The following ANKDD1A variants were observed in gnomAD, a reference collection of about 807,000 sequenced individuals.
ANKDD1A encodes the protein ankyrin repeat and death domain-containing protein 1A.
ANKDD1A carries 59 observed loss-of-function variants against 63.5 expected under a neutral mutation model. The ratio of observed to expected loss-of-function variants is 0.93; its 90% CI spans 0.75 to 1.15. ANKDD1A has a LOEUF of 1.15. Among genes scored for constraint, ANKDD1A ranks in the 50% most tolerant of loss-of-function variants. The pLI, the probability that ANKDD1A is intolerant of heterozygous loss-of-function variation, is 0.00. For missense variants in ANKDD1A, 632 were observed against 656.4 expected, an observed-to-expected ratio of 0.96 and a Z score of 0.41; for synonymous variants, 266 against 263.9, an observed-to-expected ratio of 1.01 and a Z score of -0.08.
chr15:64,936,201 C>T (rs1292965516), intron 9 of ANKDD1A, among the ~76,000 whole-genome samples: 1 of 152,046 alleles, frequency 6.6e-6, no homozygotes, highest in African/African-American at 2.4e-5. Flanking sequence ...AGAAGAAAGG[C>T]ATCCTTGATT....
rs527430545 is a variant in ANKDD1A at position 64,943,567 on chromosome 15, A to C, written c.1050A>C (p.Leu350Phe). Reference sequence around the variant, plus strand: ...TGCTCCTCATTGCTGGGGTTGACTTAAACCTGAGAGATAAGGTACCTCTGC... The same window carrying C: ...TGCTCCTCATTGCTGGGGTTGACTTCAACCTGAGAGATAAGGTACCTCTGC... Reference protein sequence around the residue: ...ADMLLIAGVDLNLRDKQGKTA... With the variant: ...ADMLLIAGVDFNLRDKQGKTA... The change falls in exon 11 of 15, where the codon TTA becomes TTC. Residue 350 changes from leucine (L) to phenylalanine (F), a missense_variant. Leu to Phe is a conservative substitution (Grantham distance 22). Transcript: ENST00000319580. 6.2e-7 allele frequency: 1 copy of C among 1,614,158 alleles called. No homozygotes were observed. Among genetic ancestry groups the C allele is most frequent in the African/African-American group, 1.3e-5 (1 of 75,032 alleles).
intron 9 of ANKDD1A, among the ~76,000 whole-genome samples, chr15:64,939,163 GT>G (rs1034521365): frequency 6.6e-6 from 1 of 151,966 alleles, no homozygotes; most frequent in Non-Finnish European, 1.5e-5. Context: ...GCTAGGCATG[GT>G]AGCTTGCACC....
rs1222703343 is a variant in ANKDD1A, at chr15:64,930,914, G to C, written c.663G>C (p.Gln221His). ...LVDIGLDLEE[Q>H]NAEGLTALHS... ...ACATCGGGCTGGACCTGGAGGAGCAGAATGCGGTGAGTCACCGCCTGGGGA... is the reference window on the plus strand; with the variant it reads ...ACATCGGGCTGGACCTGGAGGAGCACAATGCGGTGAGTCACCGCCTGGGGA... Residue 221 changes from glutamine (Q) to histidine (H), a missense_variant, in exon 7 of 15, where the codon CAG (glutamine) becomes CAC (histidine). Gln to His is a conservative substitution (Grantham distance 24). Transcript: ENST00000319580. 6.2e-7 allele frequency: 1 copy of C among 1,611,186 alleles called. No homozygotes were observed. Among genetic ancestry groups the C allele is most frequent in the East Asian group, 2.2e-5 (1 of 44,868 alleles).
chr15:64,942,521 C>A lies in ANKDD1A; in HGVS notation c.922C>A (p.Arg308=), dbSNP rs142825344. 3.6e-5 allele frequency: 58 copies of A among 1,613,936 alleles called. No homozygotes were observed. The highest frequency in any genetic ancestry group is 4.7e-5 in the Non-Finnish European group (56 of 1,179,948). ...GAGGCACAACTTCCCTGCCTTGGTC[C>A]GGCTCCTCATCAACTCCGACAGTGA... ...AVRHNFPALV[R]LLINSDSDVN... is the part of the protein sequence containing the mutation. Residue 308 remains arginine (R), a synonymous_variant, in exon 10 of 15, where the codon CGG becomes AGG. Coordinates refer to ENST00000319580, the MANE Select transcript of ANKDD1A (RefSeq NM_182703.6).
intron 8 of ANKDD1A, among the ~76,000 whole-genome samples, chr15:64,933,119 G>A (rs1403995585): frequency 3.3e-5 from 5 of 152,088 alleles, no homozygotes; most frequent in African/African-American, 1.2e-4. Context: ...TCATGCCACA[G>A]GGTCTCGGAG....
Position 64,922,026 on chromosome 15 carries a change from C to T in ANKDD1A, c.366+7C>T. The stretch of plus-strand genomic sequence containing the variant: ...GATCCACTGTGAGAGCAAGGTAAGG[C>T]CTCAGCTGGTAGACCCCTGTCCCCT... On this transcript the variant is annotated splice_region_variant and intron_variant, in intron 4 of 14. Coordinates refer to ENST00000319580, the MANE Select transcript of ANKDD1A (RefSeq NM_182703.6). The T allele has an allele frequency of 6.2e-7, 1 of 1,613,556 alleles. No individual in the cohort carries two copies. Among genetic ancestry groups the T allele is most frequent in the South Asian group, 1.1e-5 (1 of 91,002 alleles).
rs1329674203 is a variant in ANKDD1A, at chr15:64,954,496, T to C, written c.1484-2607T>C. Among the ~76,000 whole-genome samples the C allele has an allele frequency of 7.9e-5, 11 of 139,536 alleles. No individual in the cohort carries two copies. The South Asian group carries it at 1.2e-3, about 15-fold the overall frequency. The allele number at this position is 139,536 out of a possible 152,430, so 91.5% of individuals were successfully genotyped here. On this transcript the variant is annotated intron_variant, in intron 14 of 14. Transcript: ENST00000319580. The stretch of plus-strand genomic sequence containing the variant: ...TCCTCTTTTTCTTCTTCCTTCTCCT[T>C]CTTCTTCCTTCTTCTCCTCTTTCTT...
intron 14 of ANKDD1A, among the ~76,000 whole-genome samples, chr15:64,953,748 CTT>C (rs2085358354): frequency 7.4e-6 from 1 of 134,578 alleles, no homozygotes; most frequent in African/African-American, 2.7e-5. Flanking sequence ...CTTCTTTCCT[CTT>C]TTCTTCGTTC....
At chr15:64,940,660 G>A (rs1158405634) in intron 9 of ANKDD1A, among the ~76,000 whole-genome samples, 1 of 151,450 alleles carries the variant, frequency 6.6e-6, no homozygotes, top group African/African-American at 2.4e-5. Context: ...GGATGGTCTC[G>A]ATCTCCTGAC....
chr15:64,922,159 TC>T, intron 4 of ANKDD1A, 140 bp downstream of exon 4: 1 of 652,436 alleles, frequency 1.5e-6, no homozygotes, highest in Non-Finnish European at 2.6e-6. Context: ...TCATCTGATC[TC>T]CCCCACCTCC....
At position 64,930,820 on chromosome 15, in the gene ANKDD1A, A is replaced by C; in HGVS notation, c.571-2A>C. 1 of 1,611,680 alleles carries C rather than the reference A, an allele frequency of 6.2e-7. No homozygotes were observed. The highest frequency in any genetic ancestry group is 8.5e-7 in the Non-Finnish European group (1 of 1,179,602). On this transcript the variant is annotated splice_acceptor_variant, in intron 6 of 14. Transcript: ENST00000319580. LOFTEE classifies it high-confidence loss of function. ...GCCTCTCAGGAGCCCTTTTTCCTGC[A>C]GGAGGGGAACACTGCCCTTCATCTG...
intron 4 of ANKDD1A, 117 bp from the exon 5 acceptor site, chr15:64,925,949 T>C: frequency 2.3e-6 from 2 of 853,904 alleles, no homozygotes; most frequent in South Asian, 3.2e-5. Context: ...TTTACAGTGT[T>C]GTATCCATGG....
At chr15:64,924,808 T>C (rs1219408464) in intron 4 of ANKDD1A, among the ~76,000 whole-genome samples, 1 of 152,178 alleles carries the variant, frequency 6.6e-6, no homozygotes, top group East Asian at 1.9e-4. Flanking sequence ...TGTCCTTAAT[T>C]TGGGTTTGTC....
intron 14 of ANKDD1A, among the ~76,000 whole-genome samples, chr15:64,953,547 T>TTCTCCTTCTTTCTTCTTCCC (rs2085346214): frequency 2.3e-5 from 3 of 130,714 alleles, no homozygotes; most frequent in Non-Finnish European, 5.1e-5. Flanking sequence ...TCCTTCTTCC[T>TTCTCCTTCTTTCTTCTTCCC]TCTCCTTCTT....
intron 3 of ANKDD1A, among the ~76,000 whole-genome samples, chr15:64,920,187 G>A (rs186546191): frequency 3.9e-5 from 6 of 152,264 alleles, no homozygotes; most frequent in Admixed American, 3.3e-4. Flanking sequence ...ATGTATCCCC[G>A]GAGCTGAGTT....
chr15:64,957,117 G>A lies in ANKDD1A; in HGVS notation c.1498G>A (p.Ala500Thr), dbSNP rs1433806009. 1 of 446,320 alleles carries A rather than the reference G, an allele frequency of 2.2e-6. No homozygotes were observed. The highest frequency in any genetic ancestry group is 7.5e-5 in the East Asian group (1 of 13,296). 27.6% of individuals were successfully genotyped at this position (446,320 alleles called of 1,614,324 possible). ...RRDLAGWSTM[A>T]RSQLTATSAS... ...CTCTCACCCAGGCTGGAGTACAATG[G>A]CGAGATCTCAGCTCACGGCAACCTC... Residue 500 changes from alanine (A) to threonine (T), a missense_variant, in exon 15 of 15, where the codon GCG becomes ACG. Physicochemically the swap from Ala to Thr is moderately conservative, Grantham distance 58. Transcript: ENST00000319580.
intron 14 of ANKDD1A, among the ~76,000 whole-genome samples, chr15:64,955,585 A>ATATC (rs1244143440): frequency 6.6e-6 from 1 of 152,130 alleles, no homozygotes; most frequent in African/African-American, 2.4e-5. Context: ...TGTGGAAAAT[A>ATATC]TATCTGTGCA....
chr15:64,944,401 G>A (rs2085207734), intron 11 of ANKDD1A, among the ~76,000 whole-genome samples: 2 of 152,228 alleles, frequency 1.3e-5, no homozygotes, highest in South Asian at 4.1e-4. Flanking sequence ...AGTTTCATAA[G>A]CTCTAGAGCT....
At chr15:64,923,348 T>G (rs1377739337) in intron 4 of ANKDD1A, among the ~76,000 whole-genome samples, 1 of 152,228 alleles carries the variant, frequency 6.6e-6, no homozygotes, top group Non-Finnish European at 1.5e-5. Flanking sequence ...TTTAGAGTTC[T>G]GACCTCTAGT....
Sources: allele counts gnomAD v4.1 joint callset (sites outside exome capture counted in the v4.1 genomes callset), GRCh38; gene constraint gnomAD v4.1.1; transcripts MANE v1.5; gene names NCBI Gene and HGNC (gene_info 2026-07-23, HGNC 2026-07-21).